The following HSD3B2 variants were observed in gnomAD, a reference collection of about 807,000 sequenced individuals.
The protein encoded by HSD3B2 is hydroxy-delta-5-steroid dehydrogenase, 3 beta- and steroid delta-isomerase 2.
In HSD3B2, 8 loss-of-function variants were observed where a neutral mutation model predicts 9.9. That is an observed-to-expected ratio of 0.81 (90% CI 0.47 to 1.46). The LOEUF is 1.46. Among genes scored for constraint, HSD3B2 ranks in the 40% most tolerant of loss-of-function variants. The pLI is 0.00. For missense variants in HSD3B2, 410 were observed against 448.3 expected (o/e 0.91, Z 0.77); for synonymous variants, 221 against 184.5 (o/e 1.20, Z -1.60).
intron 2 of HSD3B2, among the ~76,000 whole-genome samples, chr1:119,418,054 A>C (rs56326451): frequency 6.6e-6 from 1 of 152,004 alleles, no homozygotes. Flanking sequence ...TCTGAGCTCC[A>C]TGTAGCATGG....
rs762026737 is a variant in HSD3B2, at chr1:119,422,225, C to T, written c.724C>T (p.Pro242Ser). The T allele has an allele frequency of 6.2e-7, 1 of 1,614,034 alleles. No homozygotes were observed. The change falls in exon 4 of 4, where the codon CCC (proline) becomes TCC (serine). Residue 242 changes from proline (P) to serine (S), a missense_variant. Pro to Ser is a moderately conservative substitution (Grantham distance 74). Coordinates refer to ENST00000369416, the MANE Select transcript of HSD3B2 (RefSeq NM_000198.4). Reference protein sequence around the residue: ...HILALRALRDPKKAPSVRGQF... With the variant: ...HILALRALRDSKKAPSVRGQF... ...TCTGGCCTTGAGGGCTCTGCGGGAC[C>T]CCAAGAAGGCCCCAAGTGTCCGAGG... is the stretch of plus-strand genomic sequence containing the variant.
chr1:119,419,503 G>A lies in HSD3B2; in HGVS notation c.228G>A (p.Ser76=), dbSNP rs767147330. 1.1e-5 allele frequency: 17 copies of A among 1,613,524 alleles called. No homozygotes were observed. The highest frequency in any genetic ancestry group is 4.4e-5 in the South Asian group (4 of 91,060). The change falls in exon 3 of 4, where the codon TCG becomes TCA. Residue 76 remains serine (S), a synonymous_variant. Transcript: ENST00000369416. ...PFLKRACQDV[S]VVIHTACIID... is the part of the protein sequence containing the mutation. ...TGAAAAGAGCCTGCCAGGACGTCTC[G>A]GTCGTCATCCACACCGCCTGTATCA...
upstream of HSD3B2, chr1:119,415,100 G>A (rs1570816258): frequency 5.2e-6 from 2 of 384,982 alleles, no homozygotes; most frequent in Non-Finnish European, 9.9e-6. Flanking sequence ...GGTAATAAGG[G>A]CTGAGACACA....
chr1:119,422,091 T>C lies in HSD3B2; in HGVS notation c.590T>C (p.Leu197Pro). 1 of 1,614,112 alleles carries C rather than the reference T, an allele frequency of 6.2e-7. No homozygotes were observed. Among genetic ancestry groups the C allele is most frequent in the Non-Finnish European group, 8.5e-7 (1 of 1,179,990 alleles). ...ATCTATGGGGAAGGAGGCCCATTCCTTTCTGCCAGTATAAATGAGGCCCTG... is the reference window on the plus strand; with the variant it reads ...ATCTATGGGGAAGGAGGCCCATTCCCTTCTGCCAGTATAAATGAGGCCCTG... Reference protein sequence around the residue: ...TYIYGEGGPFLSASINEALNN... With the variant: ...TYIYGEGGPFPSASINEALNN... Residue 197 changes from leucine to proline, a missense_variant, in exon 4 of 4, where the codon CTT (leucine) becomes CCT (proline). Coordinates refer to ENST00000369416, the MANE Select transcript of HSD3B2 (RefSeq NM_000198.4).
At chr1:119,419,660 T>G (rs1651807264) in intron 3 of HSD3B2, 78 bp downstream of exon 3, 3 of 1,379,350 alleles carry the variant, frequency 2.2e-6, no homozygotes, top group Non-Finnish European at 3.1e-6. Context: ...GGAAGAGAAG[T>G]CACTCCATTG....
Position 119,421,750 on chromosome 1 carries a change from T to C in HSD3B2, c.308-59T>C, listed in dbSNP as rs1329110069. On this transcript the variant is annotated intron_variant, in intron 3 of 3. Coordinates refer to ENST00000369416, the MANE Select transcript of HSD3B2 (RefSeq NM_000198.4). ...GGAGTGGGGCACATGGATCTGTGCA[T>C]GTGGTTGCAGCTCCTTTGGGATATT... The C allele has an allele frequency of 1.6e-5, 25 of 1,586,266 alleles. 1 individual carries two copies. Among genetic ancestry groups the C allele is most frequent in the East Asian group, 1.1e-4 (5 of 44,666 alleles).
At chr1:119,421,361 A>T (rs1425969687) in intron 3 of HSD3B2, among the ~76,000 whole-genome samples, 4 of 143,918 alleles carry the variant, frequency 2.8e-5, no homozygotes, top group Non-Finnish European at 6.0e-5. Context: ...TCCTTTTCCA[A>T]AATTAAAGTG....
chr1:119,417,142 A>AG (rs2101339014), intron 2 of HSD3B2, among the ~76,000 whole-genome samples: 1 of 152,316 alleles, frequency 6.6e-6, no homozygotes, highest in East Asian at 1.9e-4. Flanking sequence ...GAAGGTCCCA[A>AG]GTTAGATTAC....
intron 2 of HSD3B2, among the ~76,000 whole-genome samples, chr1:119,418,801 A>G (rs1570819170): frequency 1.3e-5 from 2 of 151,920 alleles, no homozygotes; most frequent in Middle Eastern, 6.8e-3. Context: ...ATAGGCACAT[A>G]CCATCACGCC....
chr1:119,416,690 T>C (rs889806761), intron 2 of HSD3B2, among the ~76,000 whole-genome samples: 1 of 152,200 alleles, frequency 6.6e-6, no homozygotes, highest in Non-Finnish European at 1.5e-5. Flanking sequence ...GCCTAGAAGG[T>C]CCTGCCCTGT....
intron 2 of HSD3B2, chr1:119,417,430 G>A (rs922615265): frequency 2.0e-5 from 3 of 152,214 alleles, no homozygotes; most frequent in Non-Finnish European, 4.4e-5. Context: ...GCTATGAAAT[G>A]GCAATTCCTT....
chr1:119,421,449 ATATG>A (rs1570821655), intron 3 of HSD3B2, among the ~76,000 whole-genome samples: 3 of 12,472 alleles, frequency 2.4e-4, no homozygotes, highest in Admixed American at 2.9e-3. Context: ...ATGTATATAT[ATATG>A]TATATATATA....
chr1:119,417,079 T>C (rs1359810054), intron 2 of HSD3B2, among the ~76,000 whole-genome samples: 1 of 152,178 alleles, frequency 6.6e-6, no homozygotes, highest in Non-Finnish European at 1.5e-5. Context: ...AATACTATTA[T>C]CCTCCTTTTT....
intron 3 of HSD3B2, among the ~76,000 whole-genome samples, chr1:119,421,418 TATATATATGTA>T (rs1557869412): frequency 0.024 from 974 of 40,612 alleles, 45 homozygotes; most frequent in African/African-American, 0.044. Flanking sequence ...TATATATATG[TATATATATGTA>T]TATATATATA....
rs1192235783 is a variant in HSD3B2, at chr1:119,421,936, T to A, written c.435T>A (p.Pro145=). ...EIIQNGHEEE[P]LENTWPTPYP... ...TCCAGAACGGCCACGAAGAAGAGCC[T>A]CTGGAAAACACATGGCCCACTCCAT... Residue 145 remains proline (P), a synonymous_variant, in exon 4 of 4, where the codon CCT becomes CCA. Coordinates refer to ENST00000369416, the MANE Select transcript of HSD3B2 (RefSeq NM_000198.4). 6.2e-7 allele frequency: 1 copy of A among 1,613,992 alleles called. No homozygotes were observed. The highest frequency in any genetic ancestry group is 8.5e-7 in the Non-Finnish European group (1 of 1,179,982).
chr1:119,419,154 AC>A (rs781754594), intron 2 of HSD3B2, among the ~76,000 whole-genome samples: 14 of 152,282 alleles, frequency 9.2e-5, no homozygotes, highest in East Asian at 5.8e-4. Context: ...CTTATATTTC[AC>A]GGATGTGTGA....
intron 2 of HSD3B2, among the ~76,000 whole-genome samples, chr1:119,418,843 G>A (rs1346233081): frequency 6.6e-6 from 1 of 151,816 alleles, no homozygotes; most frequent in Non-Finnish European, 1.5e-5. Flanking sequence ...GTAAAGACAG[G>A]GTTTTGCCAT....
At position 119,422,174 on chromosome 1, in the gene HSD3B2, G is replaced by C; in HGVS notation, c.673G>C (p.Val225Leu). The C allele has an allele frequency of 6.2e-7, 1 of 1,614,120 alleles. No individual in the cohort carries two copies. Among genetic ancestry groups the C allele is most frequent in the Non-Finnish European group, 8.5e-7 (1 of 1,180,016 alleles). The change falls in exon 4 of 4, where the codon GTT (valine) becomes CTT (leucine). Residue 225 changes from valine (V) to leucine (L), a missense_variant. Val to Leu is a conservative substitution (Grantham distance 32). Transcript: ENST00000369416. ...GTTCTCTACAGTCAACCCAGTCTATGTTGGCAACGTGGCCTGGGCCCACAT... is the reference window on the plus strand; with the variant it reads ...GTTCTCTACAGTCAACCCAGTCTATCTTGGCAACGTGGCCTGGGCCCACAT... ...GKFSTVNPVY[V>L]GNVAWAHILA...
intron 2 of HSD3B2, among the ~76,000 whole-genome samples, chr1:119,416,885 C>T (rs746263635): frequency 6.6e-6 from 1 of 152,192 alleles, no homozygotes; most frequent in African/African-American, 2.4e-5. Context: ...CAGGAAAAAG[C>T]AATGCTCAGT....
Sources: gnomAD v4.1 joint callset for allele counts (sites outside exome capture counted in the v4.1 genomes callset) on GRCh38, gnomAD v4.1.1 for gene constraint, MANE v1.5 for transcripts, NCBI Gene and HGNC (gene_info 2026-07-23, HGNC 2026-07-21) for gene names.